Variants in CHRM2 observed in about 807,000 individuals in gnomAD.
The protein encoded by CHRM2 is muscarinic acetylcholine receptor M2.
Under a neutral mutation model 25.0 loss-of-function variants are expected in CHRM2, and 8 were observed. The ratio of observed to expected loss-of-function variants is 0.32; its 90% CI spans 0.19 to 0.58. The LOEUF is 0.58. CHRM2 is among the 20% of genes least tolerant of loss of function. The pLI is 0.88. For synonymous variants in CHRM2, 202 were observed against 205.7 expected (o/e 0.98, Z 0.15); for missense variants, 440 against 567.1 (o/e 0.78, Z 2.28).
chr7:137,000,388 C>T (rs1165301024), intron 3 of CHRM2, among the ~76,000 whole-genome samples: 12 of 150,432 alleles, frequency 8.0e-5, no homozygotes, highest in Non-Finnish European at 1.8e-4. Context: ...TTAGTAGAGA[C>T]GAGGTTTTGC....
In CHRM2 at chr7:137,016,105, G is replaced by T; in HGVS notation, c.1240G>T (p.Ala414Ser). ...CATGGTGCTCATTAACACCTTTTGT[G>T]CACCTTGCATCCCCAACACTGTGTG... Reference protein sequence around the residue: ...NVMVLINTFCAPCIPNTVWTI... With the variant: ...NVMVLINTFCSPCIPNTVWTI... The change falls in exon 4 of 4, where the codon GCA (alanine) becomes TCA (serine). Residue 414 changes from alanine to serine, a missense_variant. Ala to Ser is a moderately conservative substitution (Grantham distance 99). Transcript: ENST00000680005. 6.2e-7 allele frequency: 1 copy of T among 1,612,296 alleles called. No individual in the cohort carries two copies. Among genetic ancestry groups the T allele is most frequent in the Non-Finnish European group, 8.5e-7 (1 of 1,178,934 alleles).
At chr7:137,007,043 C>T (rs1163103995) in intron 3 of CHRM2, among the ~76,000 whole-genome samples, 1 of 151,882 alleles carries the variant, frequency 6.6e-6, no homozygotes, top group Non-Finnish European at 1.5e-5. Context: ...AGTAAAAAAT[C>T]AATCAAAGAA....
chr7:136,896,568 G>C (rs1336331856), intron 2 of CHRM2, among the ~76,000 whole-genome samples: 1 of 152,164 alleles, frequency 6.6e-6, no homozygotes, highest in African/African-American at 2.4e-5. Flanking sequence ...TGCATTGTGT[G>C]TGTGTGTGTG....
intron 2 of CHRM2, among the ~76,000 whole-genome samples, chr7:136,911,323 TAGTG>T (rs1797832539): frequency 6.6e-6 from 1 of 151,952 alleles, no homozygotes; most frequent in African/African-American, 2.4e-5. Flanking sequence ...AACATTTATA[TAGTG>T]TTTTCTGTGT....
At chr7:136,926,046 G>A (rs1266691117) in intron 2 of CHRM2, among the ~76,000 whole-genome samples, 1 of 152,022 alleles carries the variant, frequency 6.6e-6, no homozygotes, top group African/African-American at 2.4e-5. Context: ...GGACCAGCCT[G>A]GCCAACATGG....
chr7:136,896,830 C>G (rs1014533490), intron 2 of CHRM2, among the ~76,000 whole-genome samples: 14 of 151,988 alleles, frequency 9.2e-5, no homozygotes, highest in African/African-American at 3.4e-4. Flanking sequence ...AAGCCTTGGA[C>G]ACTACTTTAA....
intron 2 of CHRM2, among the ~76,000 whole-genome samples, chr7:136,927,205 T>C: frequency 6.6e-6 from 1 of 152,318 alleles, no homozygotes; most frequent in African/African-American, 2.4e-5. Context: ...GTTACTTTTA[T>C]GCTCATTATT....
intron 2 of CHRM2, among the ~76,000 whole-genome samples, chr7:136,885,898 T>C (rs1489261338): frequency 6.6e-6 from 1 of 151,998 alleles, no homozygotes; most frequent in African/African-American, 2.4e-5. Context: ...TACCAACACA[T>C]AGGAATGGAA....
chr7:136,978,356 G>T (rs1315611410), intron 2 of CHRM2, among the ~76,000 whole-genome samples: 1 of 152,098 alleles, frequency 6.6e-6, no homozygotes, highest in Non-Finnish European at 1.5e-5. Flanking sequence ...TTTTCTACAA[G>T]ATGTTAATAC....
intron 2 of CHRM2, chr7:136,938,315 T>A (rs1584788541): frequency 1.5e-6 from 2 of 1,350,480 alleles, no homozygotes; most frequent in East Asian, 4.6e-5. Context: ...CTCTCGAACA[T>A]GTTGTCCATG....
At chr7:136,942,745 T>C (rs779658116) in intron 2 of CHRM2, among the ~76,000 whole-genome samples, 1 of 152,184 alleles carries the variant, frequency 6.6e-6, no homozygotes, top group African/African-American at 2.4e-5. Flanking sequence ...AGTTTTCCCA[T>C]ATCTCTTTAT....
intron 3 of CHRM2, among the ~76,000 whole-genome samples, chr7:137,001,330 C>T (rs1804020623): frequency 6.6e-6 from 1 of 152,078 alleles, no homozygotes; most frequent in Non-Finnish European, 1.5e-5. Flanking sequence ...AATATATATA[C>T]TGAGCAAAAC....
intron 3 of CHRM2, among the ~76,000 whole-genome samples, chr7:137,004,028 T>C (rs1052185663): frequency 1.3e-5 from 2 of 152,112 alleles, no homozygotes; most frequent in Non-Finnish European, 2.9e-5. Flanking sequence ...ACCTCATTCC[T>C]TTATAAGTTA....
intron 3 of CHRM2, among the ~76,000 whole-genome samples, chr7:137,004,415 G>T (rs1170538682): frequency 6.6e-6 from 1 of 152,080 alleles, no homozygotes; most frequent in African/African-American, 2.4e-5. Flanking sequence ...TTATGGTTTG[G>T]TAATTATATC....
intron 2 of CHRM2, among the ~76,000 whole-genome samples, chr7:136,966,120 G>A (rs324583): frequency 0.92 from 139,657 of 151,628 alleles, 64,665 homozygotes; most frequent in Middle Eastern, 0.98. Context: ...CCAAAAAGGG[G>A]AAGTTAGCAT....
intron 2 of CHRM2, among the ~76,000 whole-genome samples, chr7:136,922,373 C>T (rs1283559025): frequency 6.6e-6 from 1 of 152,182 alleles, no homozygotes; most frequent in African/African-American, 2.4e-5. Flanking sequence ...TCTGGCCCTG[C>T]TCTTCTCTAC....
chr7:136,918,955 T>A (rs1798272809), intron 2 of CHRM2, among the ~76,000 whole-genome samples: 1 of 152,158 alleles, frequency 6.6e-6, no homozygotes, highest in South Asian at 2.1e-4. Context: ...GTGTACTGGA[T>A]AAATAGCTAT....
intron 3 of CHRM2, 112 bp from the exon 4 acceptor site, chr7:137,014,708 A>T (rs557980953): frequency 4.6e-5 from 33 of 716,326 alleles, no homozygotes; most frequent in Non-Finnish European, 7.1e-5. Flanking sequence ...GTAATCATGC[A>T]GGGGAAGGGA....
At chr7:136,931,952 G>A (rs955704791) in intron 2 of CHRM2, among the ~76,000 whole-genome samples, 3 of 152,124 alleles carry the variant, frequency 2.0e-5, no homozygotes, top group Non-Finnish European at 2.9e-5. Context: ...TGTAGTCGTG[G>A]GTTTTAATTA....
Sources: allele counts gnomAD v4.1 joint callset (sites outside exome capture counted in the v4.1 genomes callset), GRCh38; gene constraint gnomAD v4.1.1; transcripts MANE v1.5; gene names NCBI Gene and HGNC (gene_info 2026-07-23, HGNC 2026-07-21).